The following SEZ6L variants were observed in gnomAD, a reference collection of about 807,000 sequenced individuals.
SEZ6L encodes seizure related 6 homolog like, also known as seizure 6-like protein.
Under a neutral mutation model 106.2 loss-of-function variants are expected in SEZ6L, and 37 were observed. That is an observed-to-expected ratio of 0.35 (90% CI 0.27 to 0.46). SEZ6L has a LOEUF of 0.46. Among genes scored for constraint, SEZ6L ranks in the 20% least tolerant of loss-of-function variants. The probability of loss-of-function intolerance (pLI) is 1.00; values close to 1 mark genes in which losing one functional copy is unlikely to be tolerated. For missense variants in SEZ6L, 1,172 were observed against 1,332.8 expected (o/e 0.88, Z 1.88); for synonymous variants, 541 against 570.4 (o/e 0.95, Z 0.73).
intron 1 of SEZ6L, among the ~76,000 whole-genome samples, chr22:26,261,929 C>T (rs1163896653): frequency 6.6e-6 from 1 of 151,982 alleles, no homozygotes; most frequent in Non-Finnish European, 1.5e-5. Flanking sequence ...CAGAGGAGAC[C>T]AGTGGATTTC....
At chr22:26,262,135 G>A (rs895579125) in intron 1 of SEZ6L, among the ~76,000 whole-genome samples, 2 of 148,292 alleles carry the variant, frequency 1.3e-5, no homozygotes, top group South Asian at 2.2e-4. Context: ...TTGGCCAGAG[G>A]TATAATGGGA....
Position 26,299,083 on chromosome 22 carries a change from T to G in SEZ6L, c.1262T>G (p.Leu421Arg), listed in dbSNP as rs1184512630. 1.9e-6 allele frequency: 3 copies of G among 1,608,574 alleles called. No individual in the cohort carries two copies. Among genetic ancestry groups the G allele is most frequent in the Non-Finnish European group, 2.5e-6 (3 of 1,177,706 alleles). Reference sequence around the variant, plus strand: ...GGGGTGGCCCACTTTCACTGCCACCTGGGCTATGAGCTCCAGGGCGCTAAG... The same window carrying G: ...GGGGTGGCCCACTTTCACTGCCACCGGGGCTATGAGCTCCAGGGCGCTAAG... ...SGGVAHFHCHLGYELQGAKML... is the reference protein window; with the variant it reads ...SGGVAHFHCHRGYELQGAKML... Residue 421 changes from leucine to arginine, a missense_variant, in exon 5 of 17, where the codon CTG becomes CGG. Leu to Arg is a moderately radical substitution (Grantham distance 102). Around this residue, in one of 4 missense-constraint regions of SEZ6L, gnomAD observed 534 missense variants for 691.0 expected, o/e 0.77. Coordinates refer to ENST00000248933, the MANE Select transcript of SEZ6L (RefSeq NM_021115.5).
intron 1 of SEZ6L, among the ~76,000 whole-genome samples, chr22:26,290,488 C>T (rs958731586): frequency 5.3e-5 from 8 of 152,064 alleles, no homozygotes; most frequent in South Asian, 2.1e-4. Flanking sequence ...GCCGAGATCG[C>T]GCCACTGCAC....
intron 1 of SEZ6L, among the ~76,000 whole-genome samples, chr22:26,274,263 AGACCATGGATATAGGACCTTGAATATAG>A: frequency 6.6e-6 from 1 of 152,230 alleles, no homozygotes; most frequent in Non-Finnish European, 1.5e-5. Context: ...CATAAGTTTA[AGACCATGGATATAGGACCTTGAATATAG>A]GACCATGGAT....
Position 26,292,694 on chromosome 22 carries a change from C to T in SEZ6L, c.383C>T (p.Ala128Val). The change falls in exon 2 of 17, where the codon GCC (alanine) becomes GTC (valine). Residue 128 changes from alanine to valine, a missense_variant. Transcript: ENST00000248933. ...KLPSLKQVNS[A>V]RKQLRPKATS... is the part of the protein sequence containing the mutation. ...CCTTCGCTCAAGCAGGTGAACTCTG[C>T]CAGGAAGCAGCTGAGGCCCAAGGCC... The T allele has an allele frequency of 2.5e-6, 4 of 1,613,590 alleles. No individual in the cohort carries two copies. Among genetic ancestry groups the T allele is most frequent in the Non-Finnish European group, 3.4e-6 (4 of 1,179,944 alleles).
intron 16 of SEZ6L, among the ~76,000 whole-genome samples, chr22:26,379,684 G>A (rs1339809687): frequency 6.6e-6 from 1 of 152,204 alleles, no homozygotes; most frequent in Non-Finnish European, 1.5e-5. Context: ...TGGTAGATCA[G>A]GGCATATGTT....
In SEZ6L at chr22:26,365,493, C is replaced by G. The variant is rs1190428994; in HGVS notation, c.2721C>G (p.Leu907=). 2 of 1,614,084 alleles carry G rather than the reference C, an allele frequency of 1.2e-6. No homozygotes were observed. Among genetic ancestry groups the G allele is most frequent in the Non-Finnish European group, 1.7e-6 (2 of 1,180,042 alleles). ...LTFMCYEGFE[L]MGEVTIRCIL... is the part of the protein sequence containing the mutation. ...TCATGTGCTACGAAGGCTTTGAGCT[C>G]ATGGGTGAAGTGACCATCCGCTGCA... The change falls in exon 13 of 17, where the codon CTC becomes CTG. Residue 907 remains leucine (L), a synonymous_variant. Transcript: ENST00000248933.
At chr22:26,188,194 G>T (rs1248402664) in intron 1 of SEZ6L, among the ~76,000 whole-genome samples, 5 of 152,160 alleles carry the variant, frequency 3.3e-5, no homozygotes, top group East Asian at 1.9e-4. Context: ...TGAGTTAGGG[G>T]CATCGCATTG....
At chr22:26,319,293 G>C (rs1165156145) in intron 9 of SEZ6L, among the ~76,000 whole-genome samples, 1 of 152,214 alleles carries the variant, frequency 6.6e-6, no homozygotes, top group Admixed American at 6.5e-5. Context: ...CGGCCTTTGA[G>C]ATATCCTTGT....
In SEZ6L at chr22:26,189,893, C is replaced by A. The variant is rs1159494582; in HGVS notation, c.94+20130C>A. Among the ~76,000 whole-genome samples, 2 of 152,014 alleles carry A rather than the reference C, an allele frequency of 1.3e-5. 1 individual carries two copies. Among genetic ancestry groups the A allele is most frequent in the Non-Finnish European group, 2.9e-5 (2 of 67,998 alleles). The stretch of plus-strand genomic sequence containing the variant: ...CGGGCGGGTCACGAGGTCAGGAGAT[C>A]GAGACCATCCTGGCTAAGATGGTGA... On this transcript the variant is annotated intron_variant, in intron 1 of 16. Transcript: ENST00000248933.
chr22:26,379,136 A>G (rs557962549), intron 16 of SEZ6L, among the ~76,000 whole-genome samples: 21 of 152,338 alleles, frequency 1.4e-4, no homozygotes, highest in African/African-American at 4.8e-4. Context: ...GCAGGTTGTT[A>G]GAATGAGGGC....
At chr22:26,328,140 T>G (rs1336834182) in intron 9 of SEZ6L, among the ~76,000 whole-genome samples, 1 of 152,166 alleles carries the variant, frequency 6.6e-6, no homozygotes, top group African/African-American at 2.4e-5. Flanking sequence ...AATTTGTGGA[T>G]TCTGCGATTT....
Position 26,292,674 on chromosome 22 carries a change from G to T in SEZ6L, c.363G>T (p.Ser121=), listed in dbSNP as rs376407598. 6.2e-6 allele frequency: 10 copies of T among 1,613,198 alleles called. No individual in the cohort carries two copies. In the Admixed American group the frequency reaches 1.7e-4, roughly 27 times the overall value. The change falls in exon 2 of 17, where the codon TCG becomes TCT. Residue 121 remains serine (S), a synonymous_variant. Coordinates refer to ENST00000248933, the MANE Select transcript of SEZ6L (RefSeq NM_021115.5). ...TGCCCCCCAAGAAGAAACTGCCTTCGCTCAAGCAGGTGAACTCTGCCAGGA... is the reference window on the plus strand; with the variant it reads ...TGCCCCCCAAGAAGAAACTGCCTTCTCTCAAGCAGGTGAACTCTGCCAGGA... ...HALPPKKKLP[S]LKQVNSARKQ... is the part of the protein sequence containing the mutation.
chr22:26,242,426 G>C (rs866668992), intron 1 of SEZ6L, among the ~76,000 whole-genome samples: 31 of 152,158 alleles, frequency 2.0e-4, no homozygotes, highest in African/African-American at 6.8e-4. Flanking sequence ...TTGGAAAATC[G>C]GGATAATGAT....
At chr22:26,339,326 G>A (rs5761483) in intron 9 of SEZ6L, among the ~76,000 whole-genome samples, 29,835 of 152,094 alleles carry the variant, frequency 0.2, 3,696 homozygotes, top group South Asian at 0.27. Context: ...CAGAGAGAGG[G>A]AAAGAAGAAA....
chr22:26,308,462 T>A (rs558864912), intron 6 of SEZ6L, among the ~76,000 whole-genome samples: 4 of 150,722 alleles, frequency 2.7e-5, no homozygotes, highest in African/African-American at 9.9e-5. Flanking sequence ...TATAAAAGTC[T>A]TTTTAGTCGA....
intron 1 of SEZ6L, among the ~76,000 whole-genome samples, chr22:26,236,440 T>G (rs928200570): frequency 3.9e-5 from 6 of 152,338 alleles, no homozygotes; most frequent in Admixed American, 1.3e-4. Context: ...TTTATTCCAT[T>G]TATTTATGCA....
chr22:26,254,549 T>A (rs1382873712), intron 1 of SEZ6L, among the ~76,000 whole-genome samples: 1 of 151,976 alleles, frequency 6.6e-6, no homozygotes, highest in African/African-American at 2.4e-5. Flanking sequence ...ACCCAGGAAT[T>A]TGAGGCTGCA....
chr22:26,201,049 G>A (rs1425083403), intron 1 of SEZ6L, among the ~76,000 whole-genome samples: 1 of 152,034 alleles, frequency 6.6e-6, no homozygotes, highest in Non-Finnish European at 1.5e-5. Context: ...AAGCCTTATG[G>A]GTCCTTGCAC....
Sources: allele counts gnomAD v4.1 joint callset (sites outside exome capture counted in the v4.1 genomes callset), GRCh38; gene constraint gnomAD v4.1.1; regional missense constraint gnomAD v4.1.1; transcripts MANE v1.5; gene names NCBI Gene and HGNC (gene_info 2026-07-23, HGNC 2026-07-21).